CACNB2: variants seen among roughly 807,000 people sequenced by gnomAD.
CACNB2 encodes the protein voltage-dependent L-type calcium channel subunit beta-2.
CACNB2 carries 42 observed loss-of-function variants against 73.3 expected under a neutral mutation model. That is an observed-to-expected ratio of 0.57 (90% CI 0.45 to 0.74). The LOEUF is 0.74. CACNB2 is among the 30% of genes least tolerant of loss of function. The pLI is 0.00. For synonymous variants in CACNB2, 348 were observed against 310.3 expected, an observed-to-expected ratio of 1.12 and a Z score of -1.28; for missense variants, 940 against 853.0, an observed-to-expected ratio of 1.10 and a Z score of -1.27.
intron 7 of CACNB2, 27 bp downstream of exon 7, chr10:18,514,396 GT>G: frequency 6.2e-7 from 1 of 1,613,974 alleles, no homozygotes; most frequent in Non-Finnish European, 8.5e-7. Context: ...AGCTCCCATT[GT>G]CCACCTGCTC....
intron 2 of CACNB2, among the ~76,000 whole-genome samples, chr10:18,387,229 C>T (rs998353243): frequency 6.6e-6 from 1 of 152,198 alleles, no homozygotes; most frequent in African/African-American, 2.4e-5. Flanking sequence ...CAAAACACAG[C>T]CTAAATATCT....
chr10:18,155,983 AT>A (rs1162824099), intron 2 of CACNB2, among the ~76,000 whole-genome samples: 1 of 151,792 alleles, frequency 6.6e-6, no homozygotes, highest in Non-Finnish European at 1.5e-5. Flanking sequence ...TTATCAGAGC[AT>A]TTTATTACTC....
chr10:18,262,733 C>G (rs1009557416), intron 2 of CACNB2, among the ~76,000 whole-genome samples: 4 of 152,096 alleles, frequency 2.6e-5, no homozygotes, highest in African/African-American at 9.7e-5. Context: ...TTCTGTGTTT[C>G]TGTTTATTCT....
At chr10:18,402,376 C>A in intron 3 of CACNB2, among the ~76,000 whole-genome samples, 1 of 115,040 alleles carries the variant, frequency 8.7e-6, no homozygotes, top group Non-Finnish European at 1.7e-5. Flanking sequence ...CCACAGTAAA[C>A]TATATCTCTG....
At chr10:18,291,794 T>C (rs989876662) in intron 2 of CACNB2, among the ~76,000 whole-genome samples, 1 of 152,214 alleles carries the variant, frequency 6.6e-6, no homozygotes, top group Non-Finnish European at 1.5e-5. Context: ...TTAAAAAGTA[T>C]ATTTTAAGCA....
chr10:18,221,293 A>G (rs2035784016), intron 2 of CACNB2, among the ~76,000 whole-genome samples: 1 of 152,202 alleles, frequency 6.6e-6, no homozygotes, highest in African/African-American at 2.4e-5. Flanking sequence ...GGGAGTTCAG[A>G]ATTGACTGTT....
At chr10:18,345,962 T>C (rs2041433846) in intron 2 of CACNB2, among the ~76,000 whole-genome samples, 1 of 152,202 alleles carries the variant, frequency 6.6e-6, no homozygotes, top group African/African-American at 2.4e-5. Context: ...CTCACCTTTC[T>C]GTTCATAGAT....
intron 2 of CACNB2, among the ~76,000 whole-genome samples, chr10:18,268,972 A>T (rs745627523): frequency 6.6e-6 from 1 of 152,100 alleles, no homozygotes; most frequent in African/African-American, 2.4e-5. Context: ...CAGCACTGCT[A>T]TGAGCTCCCA....
At chr10:18,169,206 A>G (rs2033069558) in intron 2 of CACNB2, among the ~76,000 whole-genome samples, 1 of 151,990 alleles carries the variant, frequency 6.6e-6, no homozygotes, top group Non-Finnish European at 1.5e-5. Flanking sequence ...TTTAAAAAAA[A>G]TAAGTTTAAT....
chr10:18,172,036 G>A (rs1022648019), intron 2 of CACNB2, among the ~76,000 whole-genome samples: 3 of 152,024 alleles, frequency 2.0e-5, no homozygotes, highest in East Asian at 3.9e-4. Context: ...AGGACCGTGC[G>A]GGATTACAAA....
At chr10:18,194,335 C>T (rs2034534978) in intron 2 of CACNB2, among the ~76,000 whole-genome samples, 1 of 152,160 alleles carries the variant, frequency 6.6e-6, no homozygotes, top group Non-Finnish European at 1.5e-5. Flanking sequence ...TGAAGGAAGC[C>T]AGGTGGGAGT....
At chr10:18,150,039 C>G (rs923621723) in intron 1 of CACNB2, among the ~76,000 whole-genome samples, 4 of 152,286 alleles carry the variant, frequency 2.6e-5, no homozygotes, top group African/African-American at 9.6e-5. Context: ...ACATTTAACT[C>G]TAAACTCAAC....
intron 2 of CACNB2, among the ~76,000 whole-genome samples, chr10:18,224,632 C>G (rs2035919296): frequency 6.6e-6 from 1 of 152,078 alleles, no homozygotes; most frequent in African/African-American, 2.4e-5. Context: ...AACCTGGGCC[C>G]CCTAGTCTCC....
chr10:18,472,747 A>G (rs1027052730), intron 3 of CACNB2, among the ~76,000 whole-genome samples: 11 of 152,238 alleles, frequency 7.2e-5, no homozygotes, highest in Non-Finnish European at 1.5e-5. Flanking sequence ...TTCAGTCTTT[A>G]GAAAACAAGC....
At chr10:18,500,349 T>C (rs1048571563) in intron 4 of CACNB2, among the ~76,000 whole-genome samples, 2 of 152,254 alleles carry the variant, frequency 1.3e-5, no homozygotes, top group Non-Finnish European at 2.9e-5. Flanking sequence ...TGTATATTTA[T>C]AAAACTGTTT....
intron 2 of CACNB2, among the ~76,000 whole-genome samples, chr10:18,173,437 C>T (rs150040785): frequency 9.2e-5 from 14 of 152,236 alleles, no homozygotes; most frequent in African/African-American, 2.9e-4. Context: ...ACATCCAGGC[C>T]GGTGGCTTAT....
chr10:18,368,987 C>T (rs2042467584), intron 2 of CACNB2, among the ~76,000 whole-genome samples: 1 of 152,128 alleles, frequency 6.6e-6, no homozygotes, highest in Admixed American at 6.5e-5. Context: ...TTTAACATCA[C>T]TGTAAATTCA....
At chr10:18,241,758 A>G (rs1034841281) in intron 2 of CACNB2, among the ~76,000 whole-genome samples, 61 of 152,064 alleles carry the variant, frequency 4.0e-4, no homozygotes, top group African/African-American at 1.4e-3. Flanking sequence ...TTATATCTAT[A>G]TTTACTGACC....
At chr10:18,246,568 C>T (rs894054817) in intron 2 of CACNB2, among the ~76,000 whole-genome samples, 7 of 151,916 alleles carry the variant, frequency 4.6e-5, no homozygotes, top group Admixed American at 3.9e-4. Context: ...TTTACACACC[C>T]AGCTGTTATT....
Sources: gnomAD v4.1 joint callset for allele counts (sites outside exome capture counted in the v4.1 genomes callset) on GRCh38, gnomAD v4.1.1 for gene constraint, MANE v1.5 for transcripts, NCBI Gene and HGNC (gene_info 2026-07-23, HGNC 2026-07-21) for gene names.